MACROD2: variants seen among roughly 807,000 people sequenced by gnomAD.
The protein encoded by MACROD2 is mono-ADP ribosylhydrolase 2, also known as ADP-ribose glycohydrolase MACROD2.
Under a neutral mutation model 70.4 loss-of-function variants are expected in MACROD2, and 36 were observed. The ratio of observed to expected loss-of-function variants is 0.51; its 90% confidence interval spans 0.39 to 0.68. The LOEUF (loss-of-function observed/expected upper bound fraction) is 0.68. Among genes scored for constraint, MACROD2 ranks in the 30% least tolerant of loss-of-function variants. The pLI is 0.00. For missense variants in MACROD2, 496 were observed against 538.4 expected (o/e 0.92, Z 0.78); for synonymous variants, 172 against 178.8 (o/e 0.96, Z 0.30).
chr20:15,490,043 A>G (rs1057010608), intron 7 of MACROD2, among the ~76,000 whole-genome samples: 2 of 152,140 alleles, frequency 1.3e-5, no homozygotes, highest in African/African-American at 4.8e-5. Context: ...CTTCAAGCAG[A>G]TGCAAGTCCA....
chr20:14,820,357 C>CTTTTTTTTTTTTTTT (rs11475238), intron 5 of MACROD2, among the ~76,000 whole-genome samples: 28 of 116,128 alleles, frequency 2.4e-4, no homozygotes, highest in East Asian at 4.9e-4. Context: ...ATTTTTCTTC[C>CTTTTTTTTTTTTTTT]TTTTTTTTTT....
At chr20:15,356,281 A>G (rs2078286360) in intron 6 of MACROD2, among the ~76,000 whole-genome samples, 2 of 152,230 alleles carry the variant, frequency 1.3e-5, no homozygotes, top group South Asian at 2.1e-4. Context: ...CTGAGAGAAT[A>G]AGATGTAATT....
intron 5 of MACROD2, among the ~76,000 whole-genome samples, chr20:14,949,666 T>C (rs2074459979): frequency 6.6e-6 from 1 of 152,182 alleles, no homozygotes; most frequent in Non-Finnish European, 1.5e-5. Context: ...ATGAACTGGC[T>C]CATTGACGCA....
intron 6 of MACROD2, among the ~76,000 whole-genome samples, chr20:15,412,297 A>T (rs1304671867): frequency 6.6e-6 from 1 of 152,180 alleles, no homozygotes; most frequent in African/African-American, 2.4e-5. Context: ...AAAAAAAGAA[A>T]AAGAAAAGCT....
At chr20:15,905,581 C>T (rs1327316282) in intron 10 of MACROD2, among the ~76,000 whole-genome samples, 1 of 152,114 alleles carries the variant, frequency 6.6e-6, no homozygotes, top group East Asian at 1.9e-4. Flanking sequence ...GACACCATGC[C>T]AATAGGACAT....
chr20:15,674,753 G>T (rs890635204), intron 8 of MACROD2, among the ~76,000 whole-genome samples: 11 of 113,328 alleles, frequency 9.7e-5, no homozygotes, highest in Non-Finnish European at 1.9e-4. Context: ...GTGTGTGTGT[G>T]TTGTGTGTGT....
At chr20:15,448,468 A>G (rs926744488) in intron 7 of MACROD2, among the ~76,000 whole-genome samples, 1 of 152,012 alleles carries the variant, frequency 6.6e-6, no homozygotes, top group South Asian at 2.1e-4. Flanking sequence ...AAAGCTTTAT[A>G]TTTATTGGGG....
chr20:14,808,271 G>A (rs1357954839), intron 5 of MACROD2, among the ~76,000 whole-genome samples: 1 of 152,080 alleles, frequency 6.6e-6, no homozygotes, highest in Non-Finnish European at 1.5e-5. Flanking sequence ...GAGAGTGGGG[G>A]TTGATATTCA....
At chr20:15,773,331 AGT>A (rs1398897486) in intron 8 of MACROD2, among the ~76,000 whole-genome samples, 1 of 152,080 alleles carries the variant, frequency 6.6e-6, no homozygotes, top group East Asian at 1.9e-4. Context: ...ATGATGATTC[AGT>A]GTTTAGAACA....
At chr20:15,042,411 C>G (rs934980035) in intron 5 of MACROD2, among the ~76,000 whole-genome samples, 41 of 152,280 alleles carry the variant, frequency 2.7e-4, no homozygotes, top group African/African-American at 9.6e-4. Flanking sequence ...TTCCAGTATG[C>G]CCTCACCTGG....
intron 5 of MACROD2, among the ~76,000 whole-genome samples, chr20:14,986,304 CCCCA>C (rs2074848300): frequency 6.6e-6 from 1 of 151,938 alleles, no homozygotes; most frequent in Non-Finnish European, 1.5e-5. Context: ...TCTTTATGAC[CCCCA>C]TTAAAGTTAA....
chr20:15,655,568 T>C (rs1024800584), intron 8 of MACROD2, among the ~76,000 whole-genome samples: 1 of 152,170 alleles, frequency 6.6e-6, no homozygotes, highest in African/African-American at 2.4e-5. Context: ...CAGCCTGCCT[T>C]GCACTTTTTA....
At chr20:15,986,297 T>C (rs914335576) in intron 13 of MACROD2, among the ~76,000 whole-genome samples, 1 of 152,218 alleles carries the variant, frequency 6.6e-6, no homozygotes, top group Non-Finnish European at 1.5e-5. Context: ...AAGTTTTTTA[T>C]GCTCTGTTGA....
chr20:14,497,882 A>C (rs1197773664), intron 4 of MACROD2, among the ~76,000 whole-genome samples: 1 of 151,846 alleles, frequency 6.6e-6, no homozygotes, highest in Non-Finnish European at 1.5e-5. Flanking sequence ...GCTGTTATCT[A>C]TGCAGTCAGC....
At chr20:15,745,145 GA>G in intron 8 of MACROD2, among the ~76,000 whole-genome samples, 1 of 152,258 alleles carries the variant, frequency 6.6e-6, no homozygotes, top group East Asian at 1.9e-4. Context: ...ATGGTTGGGA[GA>G]TAGTTAGATT....
intron 8 of MACROD2, among the ~76,000 whole-genome samples, chr20:15,642,779 G>A (rs1487891483): frequency 6.6e-6 from 1 of 152,130 alleles, no homozygotes; most frequent in Non-Finnish European, 1.5e-5. Context: ...GTGTGTATGT[G>A]TGTGTGTATG....
At chr20:15,335,414 CT>C (rs2078037530) in intron 6 of MACROD2, among the ~76,000 whole-genome samples, 2 of 151,456 alleles carry the variant, frequency 1.3e-5, no homozygotes, top group South Asian at 4.2e-4. Context: ...TGTAGAAAGT[CT>C]TATTTTTCTT....
chr20:14,842,120 A>G (rs2073093930), intron 5 of MACROD2, among the ~76,000 whole-genome samples: 2 of 152,100 alleles, frequency 1.3e-5, no homozygotes, highest in African/African-American at 4.8e-5. Context: ...GCATCATGGC[A>G]TGATTGAAGG....
At chr20:14,066,805 AT>A (rs34648174) in intron 2 of MACROD2, among the ~76,000 whole-genome samples, 16,683 of 103,846 alleles carry the variant, frequency 0.16, 676 homozygotes, top group Admixed American at 0.21. Context: ...TGTTTTAGTG[AT>A]TTTTTTTTTT....
Sources: gnomAD v4.1 joint callset for allele counts (sites outside exome capture counted in the v4.1 genomes callset) on GRCh38, gnomAD v4.1.1 for gene constraint, MANE v1.5 for transcripts, NCBI Gene and HGNC (gene_info 2026-07-23, HGNC 2026-07-21) for gene names.